Variants in PCDHGA12 observed in about 807,000 individuals in gnomAD.
PCDHGA12 encodes protocadherin gamma subfamily A, 12.
A neutral mutation model predicts 61.1 loss-of-function variants in PCDHGA12; 43 were observed. The ratio of observed to expected loss-of-function variants is 0.70; its 90% CI spans 0.55 to 0.91. The LOEUF (loss-of-function observed/expected upper bound fraction) is 0.91. Ranked by LOEUF, PCDHGA12 falls within the 40% of genes least tolerant of loss-of-function variation. PCDHGA12 has a pLI of 0.00. For synonymous variants in PCDHGA12, 520 were observed against 542.9 expected (o/e 0.96, Z 0.59); for missense variants, 1,236 against 1,227.7 (o/e 1.01, Z -0.10).
At chr5:141,506,865 G>T (rs1403350484) in intron 3 of PCDHGA12, among the ~76,000 whole-genome samples, 1 of 152,186 alleles carries the variant, frequency 6.6e-6, no homozygotes, top group African/African-American at 2.4e-5. Flanking sequence ...GGACTGGTGG[G>T]TAGAGAACCA....
At chr5:141,450,152 A>G (rs958894990) in intron 1 of PCDHGA12, among the ~76,000 whole-genome samples, 1 of 151,132 alleles carries the variant, frequency 6.6e-6, no homozygotes, top group East Asian at 2.0e-4. Context: ...GACTACAGGC[A>G]TGTGCCACCA....
At position 141,431,376 on chromosome 5, in the gene PCDHGA12, C is replaced by T. The variant is rs558222633; in HGVS notation, c.617C>T (p.Ala206Val). The T allele has an allele frequency of 1.2e-6, 2 of 1,613,436 alleles. No homozygotes were observed. Among genetic ancestry groups the T allele is most frequent in the African/African-American group, 2.7e-5 (2 of 75,070 alleles). Residue 206 changes from alanine to valine, a missense_variant, in exon 1 of 4, where the codon GCT (alanine) becomes GTT (valine). By Grantham distance (64) the Ala-to-Val change is moderately conservative. Coordinates refer to ENST00000252085, the MANE Select transcript of PCDHGA12 (RefSeq NM_003735.3). The surrounding 1 kb of genome is among the most constrained non-coding windows in gnomAD (Gnocchi z 4.8). Reference protein sequence around the residue: ...LKRALDREEKAAHHLVLTASD... With the variant: ...LKRALDREEKVAHHLVLTASD... Reference sequence around the variant, plus strand: ...CGCGCCCTGGACCGCGAAGAAAAGGCTGCTCACCACCTGGTCCTTACGGCC... The same window carrying T: ...CGCGCCCTGGACCGCGAAGAAAAGGTTGCTCACCACCTGGTCCTTACGGCC...
At chr5:141,437,650 A>G in intron 1 of PCDHGA12, among the ~76,000 whole-genome samples, 1 of 152,314 alleles carries the variant, frequency 6.6e-6, no homozygotes, top group Non-Finnish European at 1.5e-5. Context: ...AAAAGCAAAC[A>G]CATAGTTTCG....
chr5:141,496,132 C>T (rs865808904), intron 2 of PCDHGA12, among the ~76,000 whole-genome samples: 1 of 152,058 alleles, frequency 6.6e-6, no homozygotes, highest in African/African-American at 2.4e-5. Flanking sequence ...CCCTCACACA[C>T]TGAGCCTTTG....
chr5:141,443,457 G>C (rs977253701), intron 1 of PCDHGA12, among the ~76,000 whole-genome samples: 12 of 152,194 alleles, frequency 7.9e-5, no homozygotes, highest in Non-Finnish European at 1.3e-4. Flanking sequence ...CTGTACTCCA[G>C]TCTGGGTGAC....
chr5:141,479,329 G>A (rs2099493017), intron 1 of PCDHGA12: 1 of 152,490 alleles, frequency 6.6e-6, no homozygotes, highest in African/African-American at 2.4e-5. Context: ...AGACTCAGTG[G>A]TGTGCACCTG....
At chr5:141,473,375 T>C (rs1433212994) in intron 1 of PCDHGA12, among the ~76,000 whole-genome samples, 1 of 152,192 alleles carries the variant, frequency 6.6e-6, no homozygotes, top group African/African-American at 2.4e-5. Flanking sequence ...AATAGCATGG[T>C]CCCTGCCCTC....
intron 1 of PCDHGA12, among the ~76,000 whole-genome samples, chr5:141,437,721 A>G (rs2097904045): frequency 6.6e-6 from 1 of 151,664 alleles, no homozygotes; most frequent in African/African-American, 2.4e-5. Flanking sequence ...TTACCCTCTA[A>G]TGTTACACTT....
At position 141,511,319 on chromosome 5, in the gene PCDHGA12, C is replaced by T. The variant is rs2099883711; in HGVS notation, c.*146C>T. On this transcript the variant is annotated 3_prime_UTR_variant, in exon 4 of 4. Coordinates refer to ENST00000252085, the MANE Select transcript of PCDHGA12 (RefSeq NM_003735.3). ...CCATGCTCCCCTTGGGAAACAGAAA[C>T]AAGTGCCCAGTCAGCACCTACCCCT... 1.4e-6 allele frequency: 2 copies of T among 1,477,302 alleles called. No homozygotes were observed. The highest frequency in any genetic ancestry group is 1.4e-5 in the African/African-American group (1 of 70,920). 91.5% of individuals were successfully genotyped at this position (1,477,302 alleles called of 1,614,324 possible).
chr5:141,486,271 C>T lies in PCDHGA12; in HGVS notation c.2425-8536C>T. 1 of 1,614,086 alleles carries T rather than the reference C, an allele frequency of 6.2e-7. No homozygotes were observed. Among genetic ancestry groups the T allele is most frequent in the Non-Finnish European group, 8.5e-7 (1 of 1,179,994 alleles). ...CCCTCCCCGAGAGTGCAGAACCTGG[C>T]ACTGTGGTGGCACTTATCAGTGTGC... On this transcript the variant is annotated intron_variant, in intron 1 of 3. Coordinates refer to ENST00000252085, the MANE Select transcript of PCDHGA12 (RefSeq NM_003735.3). The surrounding 1 kb of genome is among the most constrained non-coding windows in gnomAD (Gnocchi z 5.0).
Position 141,475,971 on chromosome 5 carries a change from C to G in PCDHGA12, c.2425-18836C>G, listed in dbSNP as rs750016455. On this transcript the variant is annotated intron_variant, in intron 1 of 3. Coordinates refer to ENST00000252085, the MANE Select transcript of PCDHGA12 (RefSeq NM_003735.3). The stretch of plus-strand genomic sequence containing the variant: ...TCTGCGCCCCGGGATGAGGCAGAGA[C>G]TGAACAGCCGGCGAGCAAATCAACG... 2.5e-5 allele frequency: 24 copies of G among 954,292 alleles called. No individual in the cohort carries two copies. In the African/African-American group the frequency reaches 3.4e-4, roughly 14 times the overall value. 59.1% of individuals were successfully genotyped at this position (954,292 alleles called of 1,614,324 possible). A position where few individuals can be genotyped will look rare whatever the true frequency, so the allele number is the denominator to read the frequency against.
intron 1 of PCDHGA12, among the ~76,000 whole-genome samples, chr5:141,465,505 G>A (rs905617997): frequency 6.6e-6 from 1 of 152,190 alleles, no homozygotes; most frequent in Non-Finnish European, 1.5e-5. Flanking sequence ...CATTGTCGTG[G>A]TCAGGAAGGA....
At position 141,499,673 on chromosome 5, in the gene PCDHGA12, C is replaced by A. The variant is rs1193484216; in HGVS notation, c.2483+4808C>A. Among the ~76,000 whole-genome samples the A allele has an allele frequency of 2.7e-5, 4 of 150,550 alleles. No individual in the cohort carries two copies. In the East Asian group the frequency reaches 7.8e-4, roughly 29 times the overall value. On this transcript the variant is annotated intron_variant, in intron 2 of 3. Transcript: ENST00000252085. ...CATATAATTTCATCTTGGTCTCCACCATCTTTAACAGATGACTTTTTTTTT... is the reference window on the plus strand; with the variant it reads ...CATATAATTTCATCTTGGTCTCCACAATCTTTAACAGATGACTTTTTTTTT...
rs2099648980 is a variant in PCDHGA12 at position 141,487,537 on chromosome 5, G to A, written c.2425-7270G>A. ...CTCGGAGTGATAGCTTCATGATGGT[G>A]AAGTCACCCAGTGCACCTATGGCAG... On this transcript the variant is annotated intron_variant, in intron 1 of 3. Transcript: ENST00000252085. The surrounding 1 kb of genome is among the most constrained non-coding windows in gnomAD (Gnocchi z 5.0). The A allele has an allele frequency of 1.2e-6, 2 of 1,614,188 alleles. No individual in the cohort carries two copies. Among genetic ancestry groups the A allele is most frequent in the Admixed American group, 1.7e-5 (1 of 60,028 alleles).
Position 141,510,363 on chromosome 5 carries a change from G to A in PCDHGA12, c.2573-584G>A, listed in dbSNP as rs973832487. Among the ~76,000 whole-genome samples the A allele has an allele frequency of 7.8e-5, 11 of 141,564 alleles. No individual in the cohort carries two copies. In the East Asian group the frequency reaches 1.6e-3, roughly 21 times the overall value. 92.9% of individuals were successfully genotyped at this position (141,564 alleles called of 152,430 possible). The stretch of plus-strand genomic sequence containing the variant: ...CCACACACTTACTAACGGAACTACC[G>A]AATCTCTACTCGTGCCAGGCCTTGC... On this transcript the variant is annotated intron_variant, in intron 3 of 3. Coordinates refer to ENST00000252085, the MANE Select transcript of PCDHGA12 (RefSeq NM_003735.3).
At position 141,477,758 on chromosome 5, in the gene PCDHGA12, G is replaced by A; in HGVS notation, c.2425-17049G>A. 2 of 1,613,924 alleles carry A rather than the reference G, an allele frequency of 1.2e-6. No homozygotes were observed. The highest frequency in any genetic ancestry group is 1.7e-5 in the Admixed American group (1 of 60,022). On this transcript the variant is annotated intron_variant, in intron 1 of 3. Transcript: ENST00000252085. The surrounding 1 kb of genome is among the most constrained non-coding windows in gnomAD (Gnocchi z 4.9). ...CAGCGATGGGGGCACCCCGGTCCTA[G>A]CCACCAACATCAGCGTGAACATATT...
chr5:141,510,834 G>T, intron 3 of PCDHGA12, 113 bp from the exon 4 acceptor site: 1 of 1,581,880 alleles, frequency 6.3e-7, no homozygotes. Flanking sequence ...AGTGCTCAGC[G>T]TGGTCAAGGC....
At chr5:141,457,412 C>A (rs2098919309) in intron 1 of PCDHGA12, among the ~76,000 whole-genome samples, 1 of 152,188 alleles carries the variant, frequency 6.6e-6, no homozygotes. Flanking sequence ...TCACATTACC[C>A]ATCCCTTTTT....
At chr5:141,499,021 GAAGGAAGA>G (rs1193940810) in intron 2 of PCDHGA12, among the ~76,000 whole-genome samples, 2 of 140,162 alleles carry the variant, frequency 1.4e-5, no homozygotes, top group East Asian at 2.1e-4. Flanking sequence ...AGGAAGGAAG[GAAGGAAGA>G]AAAGAAAGAA....
Sources: allele counts gnomAD v4.1 joint callset (sites outside exome capture counted in the v4.1 genomes callset), GRCh38; gene constraint gnomAD v4.1.1; non-coding constraint Gnocchi (gnomAD v3.1); transcripts MANE v1.5; gene names NCBI Gene and HGNC (gene_info 2026-07-23, HGNC 2026-07-21).